Variants in SEMA3G observed in about 807,000 individuals in gnomAD.
SEMA3G encodes semaphorin-3G.
In SEMA3G, 70 loss-of-function variants were observed where a neutral mutation model predicts 86.2. That is an observed-to-expected ratio of 0.81 (90% confidence interval 0.67 to 0.99). The LOEUF (loss-of-function observed/expected upper bound fraction) is 0.99. Among genes scored for constraint, SEMA3G ranks in the 50% least tolerant of loss-of-function variants. SEMA3G has a pLI of 0.00. For synonymous variants in SEMA3G, 416 were observed against 441.4 expected (o/e 0.94, Z 0.72); for missense variants, 1,002 against 1,072.4 (o/e 0.93, Z 0.92).
Position 52,442,108 on chromosome 3 carries a change from C to T in SEMA3G, c.459+77G>A. The T allele has an allele frequency of 1.3e-6, 2 of 1,530,620 alleles. No individual in the cohort carries two copies. The highest frequency in any genetic ancestry group is 2.4e-5 in the East Asian group (1 of 41,358). The allele number at this position is 1,530,620 out of a possible 1,614,324, so 94.8% of individuals were successfully genotyped here. ...CCCTGCCCCTCTGTCCCTACCCAGG[C>T]TCAATGGGAATGTTCAGGCAGCAGG... is the stretch of plus-strand genomic sequence containing the variant. On this transcript the variant is annotated intron_variant, in intron 4 of 15. Coordinates refer to ENST00000231721, the MANE Select transcript of SEMA3G (RefSeq NM_020163.3). The surrounding 1 kb of genome is among the most constrained non-coding windows in gnomAD (Gnocchi z 6.1).
In SEMA3G at chr3:52,438,025, G is replaced by T. The variant is rs1021380233; in HGVS notation, c.1684C>A (p.Gln562Lys). The change falls in exon 14 of 16, where the codon CAG (glutamine) becomes AAG (lysine). Residue 562 changes from glutamine to lysine, a missense_variant. Gln to Lys is a moderately conservative substitution (Grantham distance 53). Coordinates refer to ENST00000231721, the MANE Select transcript of SEMA3G (RefSeq NM_020163.3). ...GCAGGGTTGCCGTGCCGGATGTCCT[G>T]CCGGCGGAACCGGCGCTTGCCAAGG... is the stretch of plus-strand genomic sequence containing the variant. ...PSLGKRRFRR[Q>K]DIRHGNPALQ... 7 of 1,613,084 alleles carry T rather than the reference G, an allele frequency of 4.3e-6. No homozygotes were observed. The highest frequency in any genetic ancestry group is 3.3e-4 in the Middle Eastern group (2 of 6,062).
intron 7 of SEMA3G, 91 bp from the exon 8 acceptor site, chr3:52,441,139 A>G (rs1386834809): frequency 6.8e-7 from 1 of 1,468,932 alleles, no homozygotes; most frequent in Non-Finnish European, 9.2e-7. Flanking sequence ...GGGGAGAGGT[A>G]TGCATGTCAG....
Position 52,441,283 on chromosome 3 carries a change from C to T in SEMA3G, c.794G>A (p.Arg265His), listed in dbSNP as rs763984638. 1.8e-5 allele frequency: 29 copies of T among 1,613,308 alleles called. No individual in the cohort carries two copies. Among genetic ancestry groups the T allele is most frequent in the South Asian group, 1.2e-4 (11 of 91,070 alleles). The change falls in exon 7 of 16, where the codon CGC (arginine) becomes CAC (histidine). Residue 265 changes from arginine (R) to histidine (H), a missense_variant. By Grantham distance (29) the Arg-to-His change is conservative. Coordinates refer to ENST00000231721, the MANE Select transcript of SEMA3G (RefSeq NM_020163.3). ...TCTTACCACGCAGACGCGGCCCACGCGGCTGACAGTGACATGGTTCGAGCC... is the reference window on the plus strand; with the variant it reads ...TCTTACCACGCAGACGCGGCCCACGTGGCTGACAGTGACATGGTTCGAGCC... Reference protein sequence around the residue: ...DGGSNHVTVSRVGRVCVNDAG... With the variant: ...DGGSNHVTVSHVGRVCVNDAG...
At position 52,444,901 on chromosome 3, in the gene SEMA3G, AG is replaced by A; in HGVS notation, c.115+11del. 7.7e-7 allele frequency: 1 copy of A among 1,303,628 alleles called. No individual in the cohort carries two copies. The highest frequency in any genetic ancestry group is 9.8e-7 in the Non-Finnish European group (1 of 1,020,572). 80.8% of individuals were successfully genotyped at this position (1,303,628 alleles called of 1,614,324 possible). On this transcript the variant is annotated intron_variant, in intron 1 of 15. Transcript: ENST00000231721. ...GCACATGCACACAAACAGGGCACGC[AG>A]GGGCTGGTACCTCGGTAGGAGAGCC...
intron 9 of SEMA3G, 37 bp downstream of exon 9, chr3:52,440,717 G>C (rs1240297740): frequency 6.3e-7 from 1 of 1,582,516 alleles, no homozygotes; most frequent in African/African-American, 1.3e-5. Context: ...ACAAAGACAG[G>C]GGCCCATCGC....
At position 52,439,902 on chromosome 3, in the gene SEMA3G, T is replaced by C. The variant is rs778485090; in HGVS notation, c.1340A>G (p.Glu447Gly). 5 of 1,613,744 alleles carry C rather than the reference T, an allele frequency of 3.1e-6. No homozygotes were observed. In the East Asian group the frequency reaches 8.9e-5, roughly 29 times the overall value. Residue 447 changes from glutamate (E) to glycine (G), a missense_variant, in exon 11 of 16, where the codon GAG becomes GGG. By Grantham distance (98) the Glu-to-Gly change is moderately conservative. Transcript: ENST00000231721. ...GAAAATGACATCGTAGGTCCCATCC[T>C]CTGCCTCCACGCGGTCCACCACGAT... ...HQIVVDRVEA[E>G]DGTYDVIFLG...
Position 52,435,489 on chromosome 3 carries a change from T to C in SEMA3G, c.*114A>G, listed in dbSNP as rs1302628273. 9.7e-7 allele frequency: 1 copy of C among 1,030,142 alleles called. No individual in the cohort carries two copies. The highest frequency in any genetic ancestry group is 1.4e-6 in the Non-Finnish European group (1 of 702,756). 63.8% of individuals were successfully genotyped at this position (1,030,142 alleles called of 1,614,324 possible). The stretch of plus-strand genomic sequence containing the variant: ...CGGTGTGGGGGCAGAGACACCTGTC[T>C]CTAAGAGGCAAACAGACATCCTGAC... On this transcript the variant is annotated 3_prime_UTR_variant, in exon 16 of 16. Coordinates refer to ENST00000231721, the MANE Select transcript of SEMA3G (RefSeq NM_020163.3).
Position 52,441,300 on chromosome 3 carries a change from G to A in SEMA3G, c.777C>T (p.Asn259=), listed in dbSNP as rs1489327275. Residue 259 remains asparagine, a synonymous_variant, in exon 7 of 16, where the codon AAC becomes AAT. Transcript: ENST00000231721. ...GGCCCACGCGGCTGACAGTGACATGGTTCGAGCCACCATCGGGCGAGGGGA... is the reference window on the plus strand; with the variant it reads ...GGCCCACGCGGCTGACAGTGACATGATTCGAGCCACCATCGGGCGAGGGGA... ...ETVPSPDGGS[N]HVTVSRVGRV... 6.2e-7 allele frequency: 1 copy of A among 1,613,662 alleles called. No individual in the cohort carries two copies.
chr3:52,437,401 AC>A (rs747235948), intron 15 of SEMA3G, 125 bp downstream of exon 15: 38 of 1,117,548 alleles, frequency 3.4e-5, no homozygotes, highest in Admixed American at 4.7e-5. Flanking sequence ...CCTAATACAA[AC>A]TTTTTTTAGG....
At chr3:52,438,699 A>G (rs1706092350) in intron 13 of SEMA3G, 1 of 985,488 alleles carries the variant, frequency 1.0e-6, no homozygotes, top group South Asian at 4.7e-5. Context: ...TCCCTTAGGA[A>G]CTGGCCTTTG....
chr3:52,443,329 A>C (rs1706197163), intron 1 of SEMA3G, among the ~76,000 whole-genome samples: 1 of 152,142 alleles, frequency 6.6e-6, no homozygotes, highest in Non-Finnish European at 1.5e-5. Flanking sequence ...AGCAGGCGAA[A>C]CTGTTCCCAG....
At chr3:52,439,561 A>G (rs1213789643) in intron 12 of SEMA3G, 119 bp downstream of exon 12, 2 of 778,026 alleles carry the variant, frequency 2.6e-6, no homozygotes, top group Admixed American at 2.1e-5. Flanking sequence ...GCATCCTGCC[A>G]GCTGCAAATT....
chr3:52,441,650 C>T lies in SEMA3G; in HGVS notation c.591G>A (p.Gly197=). 2 of 1,613,774 alleles carry T rather than the reference C, an allele frequency of 1.2e-6. No homozygotes were observed. The highest frequency in any genetic ancestry group is 1.7e-5 in the Admixed American group (1 of 60,030). ...LYTGLTADFL[G]REAMIFRSGG... Reference sequence around the variant, plus strand: ...CACTTCGGAAGATCATGGCCTCTCGCCCCAGGAAGTCAGCAGTGAGACCCG... The same window carrying T: ...CACTTCGGAAGATCATGGCCTCTCGTCCCAGGAAGTCAGCAGTGAGACCCG... The change falls in exon 6 of 16, where the codon GGG becomes GGA. Residue 197 remains glycine, a synonymous_variant. Coordinates refer to ENST00000231721, the MANE Select transcript of SEMA3G (RefSeq NM_020163.3).
In SEMA3G at chr3:52,435,865, C is replaced by T. The variant is rs958576111; in HGVS notation, c.2087G>A (p.Gly696Glu). The T allele has an allele frequency of 5.0e-6, 8 of 1,613,884 alleles. No homozygotes were observed. Among genetic ancestry groups the T allele is most frequent in the Non-Finnish European group, 6.8e-6 (8 of 1,180,018 alleles). ...EPKPEEPPAR[G>E]GLASTPPKAW... ...CTTGGGTGGGGTGGAAGCCAGGCCT[C>T]CCCGGGCTGGGGGCTCCTCTGGCTT... Residue 696 changes from glycine to glutamate, a missense_variant, in exon 16 of 16, where the codon GGA becomes GAA. By Grantham distance (98) the Gly-to-Glu change is moderately conservative. Transcript: ENST00000231721.
chr3:52,435,510 C>T lies in SEMA3G; in HGVS notation c.*93G>A. ...TGTCTCTAAGAGGCAAACAGACATC[C>T]TGACCCCTCTGCCCTAGCTGGGTGG... On this transcript the variant is annotated 3_prime_UTR_variant, in exon 16 of 16. Transcript: ENST00000231721. 8.0e-7 allele frequency: 1 copy of T among 1,247,310 alleles called. No individual in the cohort carries two copies. The highest frequency in any genetic ancestry group is 1.1e-6 in the Non-Finnish European group (1 of 891,616). 77.3% of individuals were successfully genotyped at this position (1,247,310 alleles called of 1,614,324 possible). A position where few individuals can be genotyped will look rare whatever the true frequency, so the allele number is the denominator to read the frequency against.
At position 52,435,366 on chromosome 3, in the gene SEMA3G, C is replaced by G. The variant is rs1041849288; in HGVS notation, c.*237G>C. 1.8e-6 allele frequency: 1 copy of G among 550,752 alleles called. No homozygotes were observed. Among genetic ancestry groups the G allele is most frequent in the African/African-American group, 1.9e-5 (1 of 52,868 alleles). 34.1% of individuals were successfully genotyped at this position (550,752 alleles called of 1,614,324 possible). A position where few individuals can be genotyped will look rare whatever the true frequency, so the allele number is the denominator to read the frequency against. On this transcript the variant is annotated 3_prime_UTR_variant, in exon 16 of 16. Transcript: ENST00000231721. ...CAAATGGCAGATCCCTTGGGGCTGC[C>G]AGCAGCCAGAGGGTGCTGGCTCCAG...
Position 52,433,150 on chromosome 3 carries a change from G to A in SEMA3G, c.*2453C>T, listed in dbSNP as rs1430215138. On this transcript the variant is annotated 3_prime_UTR_variant, in exon 16 of 16. Transcript: ENST00000231721. Reference sequence around the variant, plus strand: ...TACCCATCTTCCTCCTTTCTAGAAAGCACCACCCAGTCTCTTTCTTTAAGT... The same window carrying A: ...TACCCATCTTCCTCCTTTCTAGAAAACACCACCCAGTCTCTTTCTTTAAGT... 6.6e-6 allele frequency: 1 copy of A among 152,146 alleles called. No homozygotes were observed. Among genetic ancestry groups the A allele is most frequent in the African/African-American group, 2.4e-5 (1 of 41,422 alleles). 9.4% of individuals were successfully genotyped at this position (152,146 alleles called of 1,614,324 possible). A position where few individuals can be genotyped will look rare whatever the true frequency, so the allele number is the denominator to read the frequency against.
Position 52,443,057 on chromosome 3 carries a change from C to T in SEMA3G, c.116-150G>A, listed in dbSNP as rs574700982. Reference sequence around the variant, plus strand: ...CATCCACATGGTGCTGGAAGGCTTTCGGACCATGGCTCCTGGGGACAGGTG... The same window carrying T: ...CATCCACATGGTGCTGGAAGGCTTTTGGACCATGGCTCCTGGGGACAGGTG... On this transcript the variant is annotated intron_variant, in intron 1 of 15. Transcript: ENST00000231721. The T allele has an allele frequency of 1.1e-5, 17 of 1,534,668 alleles. No homozygotes were observed. The East Asian group carries it at 1.2e-4, about 11-fold the overall frequency.
intron 9 of SEMA3G, 31 bp downstream of exon 9, chr3:52,440,721 CCA>C: frequency 6.3e-7 from 1 of 1,589,580 alleles, no homozygotes; most frequent in Non-Finnish European, 8.6e-7. Context: ...AGACAGGGGC[CCA>C]TCGCAAGGCC....
Sources: allele counts gnomAD v4.1 joint callset (sites outside exome capture counted in the v4.1 genomes callset), GRCh38; gene constraint gnomAD v4.1.1; non-coding constraint Gnocchi (gnomAD v3.1); transcripts MANE v1.5; gene names NCBI Gene and HGNC (gene_info 2026-07-23, HGNC 2026-07-21).